The following STRA6 variants were observed in gnomAD, a reference collection of about 807,000 sequenced individuals.
STRA6 encodes receptor for retinol uptake STRA6.
In STRA6, 48 loss-of-function variants were observed where a neutral mutation model predicts 83.6. The observed-to-expected ratio is 0.57, with a 90% CI of 0.46 to 0.73. STRA6 has a LOEUF of 0.73. STRA6 is among the 30% of genes least tolerant of loss of function. STRA6 has a pLI of 0.00. For missense variants in STRA6, 760 were observed against 838.8 expected (o/e 0.91, Z 1.16); for synonymous variants, 353 against 362.3 (o/e 0.97, Z 0.29).
chr15:74,210,466 T>G (rs1377967052), upstream of STRA6, among the ~76,000 whole-genome samples: 1 of 152,218 alleles, frequency 6.6e-6, no homozygotes, highest in African/African-American at 2.4e-5. Flanking sequence ...ATTTTATGCT[T>G]CTTTAACTAG....
At chr15:74,183,438 G>C in intron 14 of STRA6, 2 of 933,992 alleles carry the variant, frequency 2.1e-6, no homozygotes, top group Non-Finnish European at 2.7e-6. Flanking sequence ...TAGAGACGGG[G>C]TCTCACCATG....
chr15:74,202,671 T>C, intron 1 of STRA6, 42 bp downstream of exon 1: 1 of 1,382,390 alleles, frequency 7.2e-7, no homozygotes, highest in South Asian at 1.8e-5. Flanking sequence ...CGCCCCTTCC[T>C]TCCCCTTTCC....
In STRA6 at chr15:74,183,946, T is replaced by C; in HGVS notation, c.1210A>G (p.Ser404Gly). 6.2e-7 allele frequency: 1 copy of C among 1,613,826 alleles called. No individual in the cohort carries two copies. The highest frequency in any genetic ancestry group is 8.5e-7 in the Non-Finnish European group (1 of 1,180,022). Residue 404 changes from serine (S) to glycine (G), a missense_variant, in exon 14 of 19, where the codon AGT becomes GGT. By Grantham distance (56) the Ser-to-Gly change is moderately conservative. Coordinates refer to ENST00000395105, the MANE Select transcript of STRA6 (RefSeq NM_022369.4). ...ALHRGAALDL[S>G]PLHRSPHPSR... ...GGATGGGGACTCCGATGCAAGGGAC[T>C]CAAGTCCAGGGCAGCTCCTCGGTGC...
chr15:74,208,896 G>A (rs1226299984), exon 1 of STRA6: 4 of 989,542 alleles, frequency 4.0e-6, no homozygotes, highest in Non-Finnish European at 4.8e-6. Context: ...CAAGCAGGGT[G>A]CTCCCAACAC....
intron 2 of STRA6, among the ~76,000 whole-genome samples, chr15:74,201,020 A>G (rs902998789): frequency 2.0e-5 from 3 of 152,218 alleles, no homozygotes; most frequent in Non-Finnish European, 2.9e-5. Flanking sequence ...CGCAGGCCAC[A>G]CATACACAGC....
At position 74,186,981 on chromosome 15, in the gene STRA6, G is replaced by A. The variant is rs139781030; in HGVS notation, c.1091-1926C>T. 3.7e-3 allele frequency among the ~76,000 whole-genome samples: 563 copies of A among 152,296 alleles called. 3 individuals are homozygous for A. The highest frequency in any genetic ancestry group is 0.011 in the African/African-American group (478 of 41,570). ...CCTAGCTCCCTCCTCCAGGGCCCTC[G>A]CAGGGACACTTTTCTCAGAAGCAAG... On this transcript the variant is annotated intron_variant, in intron 12 of 18. Coordinates refer to ENST00000395105, the MANE Select transcript of STRA6 (RefSeq NM_022369.4).
Position 74,189,363 on chromosome 15 carries a change from A to C in STRA6, c.928-86T>G, listed in dbSNP as rs1446267713. On this transcript the variant is annotated intron_variant, in intron 11 of 18. Coordinates refer to ENST00000395105, the MANE Select transcript of STRA6 (RefSeq NM_022369.4). ...AGACGCTGGGGAAGAAACTGGCAGCACACAGGCCCCAGCCACATGCCCATT... is the reference window on the plus strand; with the variant it reads ...AGACGCTGGGGAAGAAACTGGCAGCCCACAGGCCCCAGCCACATGCCCATT... 3 of 1,530,492 alleles carry C rather than the reference A, an allele frequency of 2.0e-6. No individual in the cohort carries two copies. In the Admixed American group the frequency reaches 5.9e-5, roughly 30 times the overall value. 94.8% of individuals were successfully genotyped at this position (1,530,492 alleles called of 1,614,324 possible).
chr15:74,201,792 G>A (rs568109825), intron 2 of STRA6, among the ~76,000 whole-genome samples: 59 of 152,164 alleles, frequency 3.9e-4, no homozygotes, highest in Middle Eastern at 3.4e-3. Context: ...CCCCTTGAAG[G>A]GAGGTCTGCT....
At chr15:74,205,402 G>T (rs1207850449), upstream of STRA6, among the ~76,000 whole-genome samples, 1 of 152,180 alleles carries the variant, frequency 6.6e-6, no homozygotes, top group African/African-American at 2.4e-5. Flanking sequence ...GTGAAGGGGG[G>T]TCAGGCAGGA....
chr15:74,181,368 G>T lies in STRA6; in HGVS notation c.1611C>A (p.Ala537=). Residue 537 remains alanine, a synonymous_variant, in exon 17 of 19, where the codon GCC becomes GCA. Transcript: ENST00000395105. ...MVATWRVLLS[A]LYNAIHLGQM... ...GGCCAAGGTGGATGGCGTTGTAGAG[G>T]GCAGAGAGGAGCACTCGCCAGGTGG... 6.2e-7 allele frequency: 1 copy of T among 1,613,838 alleles called. No homozygotes were observed. The highest frequency in any genetic ancestry group is 1.1e-5 in the South Asian group (1 of 91,046).
chr15:74,197,783 C>A lies in STRA6; in HGVS notation c.149G>T (p.Gly50Val). Residue 50 changes from glycine to valine, a missense_variant, in exon 3 of 19, where the codon GGC becomes GTC. Transcript: ENST00000395105. ...VPSCHTSIPPGLYHACLASLS... is the reference protein window; with the variant it reads ...VPSCHTSIPPVLYHACLASLS... ...CGAGGCCAGGCAGGCGTGGTACAGG[C>A]CGGGTGGTATGCTGGTGTGGCAGGA... 1 of 1,613,648 alleles carries A rather than the reference C, an allele frequency of 6.2e-7. No individual in the cohort carries two copies. Among genetic ancestry groups the A allele is most frequent in the Non-Finnish European group, 8.5e-7 (1 of 1,180,030 alleles).
chr15:74,194,108 C>T (rs1259254590), intron 7 of STRA6, among the ~76,000 whole-genome samples, 186 bp from the exon 8 acceptor site: 1 of 152,110 alleles, frequency 6.6e-6, no homozygotes, highest in Non-Finnish European at 1.5e-5. Context: ...CTTCTCGAGC[C>T]CTGCAGAGAT....
chr15:74,191,411 T>C lies in STRA6; in HGVS notation c.788+13A>G, dbSNP rs757017179. ...AATCCATTGGCCCACAAAGGGTGTG[T>C]CAGAGACCCCACCTGCTTCCCAGCT... On this transcript the variant is annotated intron_variant, in intron 9 of 18. Transcript: ENST00000395105. The C allele has an allele frequency of 6.2e-7, 1 of 1,613,754 alleles. No individual in the cohort carries two copies. Among genetic ancestry groups the C allele is most frequent in the Non-Finnish European group, 8.5e-7 (1 of 1,179,670 alleles).
chr15:74,201,712 C>T (rs997191746), intron 2 of STRA6, among the ~76,000 whole-genome samples: 1 of 152,134 alleles, frequency 6.6e-6, no homozygotes, highest in Non-Finnish European at 1.5e-5. Flanking sequence ...TTCCCCGAAT[C>T]CCCCAGCCTG....
At chr15:74,195,166 GA>G in intron 7 of STRA6, 135 bp downstream of exon 7, 1 of 1,526,070 alleles carries the variant, frequency 6.6e-7, no homozygotes, top group Non-Finnish European at 8.8e-7. Context: ...GCACATGTTT[GA>G]AGGCATGGAA....
In STRA6 at chr15:74,181,365, G is replaced by A. The variant is rs2072977166; in HGVS notation, c.1614C>T (p.Leu538=). ...VATWRVLLSA[L]YNAIHLGQMD... is the part of the protein sequence containing the mutation. ...TCTGGCCAAGGTGGATGGCGTTGTA[G>A]AGGGCAGAGAGGAGCACTCGCCAGG... The change falls in exon 17 of 19, where the codon CTC becomes CTT. Residue 538 remains leucine (L), a synonymous_variant. Coordinates refer to ENST00000395105, the MANE Select transcript of STRA6 (RefSeq NM_022369.4). 1.2e-6 allele frequency: 2 copies of A among 1,613,824 alleles called. No individual in the cohort carries two copies. The highest frequency in any genetic ancestry group is 1.6e-4 in the Middle Eastern group (1 of 6,062).
At chr15:74,194,719 T>A in intron 7 of STRA6, 1 of 1,206,134 alleles carries the variant, frequency 8.3e-7, no homozygotes, top group East Asian at 3.0e-5. Context: ...AGTATGTGCT[T>A]CAAATATGTT....
rs1251694310 is a variant in STRA6 at position 74,207,832 on chromosome 15, T to TA, written c.-16+967dup. 5.2e-6 allele frequency: 8 copies of TA among 1,533,818 alleles called. No homozygotes were observed. The Admixed American group carries it at 9.8e-5, about 19-fold the overall frequency. On this transcript the variant is annotated intron_variant, in intron 1 of 18. Transcript: ENST00000323940. ...CACATCCAACTGCCCTTCGCACACA[T>TA]ACGTGCTTAATTCTGGCACCAGACC... is the stretch of plus-strand genomic sequence containing the variant.
chr15:74,195,502 G>A lies in STRA6; in HGVS notation c.431-34C>T, dbSNP rs768371615. 5 of 1,609,374 alleles carry A rather than the reference G, an allele frequency of 3.1e-6. No homozygotes were observed. The East Asian group carries it at 6.7e-5, about 22-fold the overall frequency. ...TGAAACAAGCAGAGAGACCCATGCT[G>A]GAGGGGCAGACATGGGGCCTGCAGT... is the stretch of plus-strand genomic sequence containing the variant. On this transcript the variant is annotated intron_variant, in intron 6 of 18. Transcript: ENST00000395105.
Sources: gnomAD v4.1 joint callset for allele counts (sites outside exome capture counted in the v4.1 genomes callset) on GRCh38, gnomAD v4.1.1 for gene constraint, MANE v1.5 for transcripts, NCBI Gene and HGNC (gene_info 2026-07-23, HGNC 2026-07-21) for gene names.